SRSF11: variants seen among roughly 807,000 people sequenced by gnomAD.
The protein encoded by SRSF11 is serine and arginine rich splicing factor 11.
A neutral mutation model predicts 56.0 loss-of-function variants in SRSF11; 9 were observed. The observed-to-expected ratio is 0.16, with a 90% CI of 0.10 to 0.28. The LOEUF is 0.28. Ranked by LOEUF, SRSF11 falls within the 10% of genes least tolerant of loss-of-function variation. The pLI is 1.00. For synonymous variants in SRSF11, 222 were observed against 215.3 expected (o/e 1.03, Z -0.27); for missense variants, 421 against 600.7 (o/e 0.70, Z 3.13).
At chr1:70,244,916 T>G in intron 8 of SRSF11, 101 bp downstream of exon 8, 1 of 1,175,434 alleles carries the variant, frequency 8.5e-7, no homozygotes, top group Non-Finnish European at 1.2e-6. Flanking sequence ...GGCAGAGAAA[T>G]AGGGCTAGAC....
rs1308477422 is a variant in SRSF11 at position 70,234,693 on chromosome 1, C to T, written c.448-3C>T. 3.2e-6 allele frequency: 5 copies of T among 1,585,144 alleles called. No individual in the cohort carries two copies. In the African/African-American group the frequency reaches 4.1e-5, roughly 13 times the overall value. On this transcript the variant is annotated splice_polypyrimidine_tract_variant and splice_region_variant and intron_variant, in intron 3 of 11. Transcript: ENST00000370949. ...TAAATAAATAAAATTTGCCATTTCA[C>T]AGATTGGCGCTGTTCCACTGGCTGC...
chr1:70,246,725 T>G (rs1260826951), intron 8 of SRSF11, 93 bp from the exon 9 acceptor site: 2 of 699,676 alleles, frequency 2.9e-6, no homozygotes, highest in East Asian at 2.7e-5. Flanking sequence ...AAGGATGGGA[T>G]TAGATCTGAT....
chr1:70,246,542 C>G (rs1024204013), intron 8 of SRSF11, among the ~76,000 whole-genome samples: 2 of 151,928 alleles, frequency 1.3e-5, no homozygotes, highest in African/African-American at 4.8e-5. Context: ...TTGGTGTTTA[C>G]CAAGTATATT....
chr1:70,220,714 G>C (rs1246117490), upstream of SRSF11: 1 of 152,124 alleles, frequency 6.6e-6, no homozygotes, highest in Non-Finnish European at 1.5e-5. Flanking sequence ...GCCTGGCGTC[G>C]TGGCAGGCGC....
intron 7 of SRSF11, among the ~76,000 whole-genome samples, chr1:70,243,162 A>G (rs1277874214): frequency 1.3e-5 from 2 of 151,910 alleles, no homozygotes; most frequent in Admixed American, 6.6e-5. Flanking sequence ...AAGGACATCA[A>G]TATTTAATGT....
At chr1:70,250,077 T>C (rs750490474) in intron 10 of SRSF11, 30 bp downstream of exon 10, 1 of 1,573,790 alleles carries the variant, frequency 6.4e-7, no homozygotes, top group South Asian at 1.1e-5. Flanking sequence ...AAATGTATTT[T>C]TTATATTTTT....
chr1:70,221,972 C>G, intron 1 of SRSF11, 133 bp downstream of exon 1: 1 of 1,443,130 alleles, frequency 6.9e-7, no homozygotes, highest in African/African-American at 1.4e-5. Context: ...GGTGGATTTA[C>G]TTAAGACGGT....
rs1435579542 is a variant in SRSF11 at position 70,252,135 on chromosome 1, C to G, written c.*1330C>G. ...TATAGTAAAAAGAGGAAGTCTATCACTGTAGTGATAATTGCCATCAAAATT... is the reference window on the plus strand; with the variant it reads ...TATAGTAAAAAGAGGAAGTCTATCAGTGTAGTGATAATTGCCATCAAAATT... On this transcript the variant is annotated 3_prime_UTR_variant, in exon 12 of 12. Coordinates refer to ENST00000370949, the MANE Select transcript of SRSF11 (RefSeq NM_001350605.2). 6.6e-6 allele frequency: 1 copy of G among 152,464 alleles called. No individual in the cohort carries two copies. Among genetic ancestry groups the G allele is most frequent in the African/African-American group, 2.4e-5 (1 of 41,420 alleles). 9.4% of individuals were successfully genotyped at this position (152,464 alleles called of 1,614,324 possible).
At position 70,208,858 on chromosome 1, in the gene SRSF11, C is replaced by G. The variant is rs550957541; in HGVS notation, c.-26+3078C>G. 7.3e-4 allele frequency among the ~76,000 whole-genome samples: 111 copies of G among 152,164 alleles called. 1 individual carries two copies. Among genetic ancestry groups the G allele is most frequent in the Non-Finnish European group, 1.4e-3 (95 of 68,022 alleles). Reference sequence around the variant, plus strand: ...GGAGAATACATTGAAAGCAAAAATTCTAACTCTTTTTCAACACTGGCATTT... The same window carrying G: ...GGAGAATACATTGAAAGCAAAAATTGTAACTCTTTTTCAACACTGGCATTT... On this transcript the variant is annotated intron_variant, in intron 1 of 12. Coordinates refer to the SRSF11 transcript ENST00000370950.
At position 70,251,951 on chromosome 1, in the gene SRSF11, C is replaced by T. The variant is rs1678021322; in HGVS notation, c.*1146C>T. On this transcript the variant is annotated 3_prime_UTR_variant, in exon 12 of 12. Coordinates refer to ENST00000370949, the MANE Select transcript of SRSF11 (RefSeq NM_001350605.2). ...CTACAGTCTGTGCCATGTTGATGTA[C>T]AGTTTCTGAAATTGTTTTACAAGAC... is the stretch of plus-strand genomic sequence containing the variant. 1 of 152,596 alleles carries T rather than the reference C, an allele frequency of 6.6e-6. No homozygotes were observed. The highest frequency in any genetic ancestry group is 2.4e-5 in the African/African-American group (1 of 41,456). The allele number at this position is 152,596 out of a possible 1,614,324, so 9.5% of individuals were successfully genotyped here.
At position 70,221,485 on chromosome 1, in the gene SRSF11, G is replaced by C; in HGVS notation, c.-152G>C. On this transcript the variant is annotated 5_prime_UTR_variant, in exon 1 of 12. Coordinates refer to ENST00000370949, the MANE Select transcript of SRSF11 (RefSeq NM_001350605.2). Reference sequence around the variant, plus strand: ...GCGGCGTGCGGCGGGGCGGAGAAACGGCGGCGGCGGCGGCGGCATCGGCAG... The same window carrying C: ...GCGGCGTGCGGCGGGGCGGAGAAACCGCGGCGGCGGCGGCGGCATCGGCAG... 1 of 993,072 alleles carries C rather than the reference G, an allele frequency of 1.0e-6. No homozygotes were observed. The allele number at this position is 993,072 out of a possible 1,614,324, so 61.5% of individuals were successfully genotyped here. A position where few individuals can be genotyped will look rare whatever the true frequency, so the allele number is the denominator to read the frequency against.
At chr1:70,234,559 C>A in intron 3 of SRSF11, 137 bp from the exon 4 acceptor site, 1 of 579,404 alleles carries the variant, frequency 1.7e-6, no homozygotes, top group Non-Finnish European at 2.9e-6. Context: ...GGTTTGTGTA[C>A]AACTGAGGAG....
chr1:70,230,402 C>CTACG lies in SRSF11; in HGVS notation c.337+1848_337+1851dup, dbSNP rs1672621265. ...AGTGTTTTAGAACAGTAGACATAGTCTACGGTAAGGAATAGTCTTAATTGG... is the reference window on the plus strand; with the variant it reads ...AGTGTTTTAGAACAGTAGACATAGTCTACGTACGGTAAGGAATAGTCTTAATTGG... On this transcript the variant is annotated intron_variant, in intron 2 of 11. Coordinates refer to ENST00000370949, the MANE Select transcript of SRSF11 (RefSeq NM_001350605.2). 10 of 1,134,464 alleles carry CTACG rather than the reference C, an allele frequency of 8.8e-6. No homozygotes were observed. In the South Asian group the frequency reaches 1.7e-4, roughly 20 times the overall value. 70.3% of individuals were successfully genotyped at this position (1,134,464 alleles called of 1,614,324 possible).
chr1:70,227,481 C>T (rs1280806223), intron 1 of SRSF11, among the ~76,000 whole-genome samples: 1 of 152,014 alleles, frequency 6.6e-6, no homozygotes. Context: ...GGATTACCCC[C>T]AACCCCCAAC....
At chr1:70,234,271 A>G (rs1418601310) in intron 3 of SRSF11, among the ~76,000 whole-genome samples, 1 of 152,214 alleles carries the variant, frequency 6.6e-6, no homozygotes, top group African/African-American at 2.4e-5. Flanking sequence ...TGCTTTGTAA[A>G]GGTCCTGCCT....
chr1:70,234,277 T>A (rs530657595), intron 3 of SRSF11, among the ~76,000 whole-genome samples: 1 of 152,344 alleles, frequency 6.6e-6, no homozygotes, highest in Admixed American at 6.5e-5. Flanking sequence ...GTAAAGGTCC[T>A]GCCTCCGGTA....
chr1:70,251,029 C>A lies in SRSF11; in HGVS notation c.*224C>A. 1 of 474,048 alleles carries A rather than the reference C, an allele frequency of 2.1e-6. No individual in the cohort carries two copies. The allele number at this position is 474,048 out of a possible 1,614,324, so 29.4% of individuals were successfully genotyped here. A position where few individuals can be genotyped will look rare whatever the true frequency, so the allele number is the denominator to read the frequency against. On this transcript the variant is annotated 3_prime_UTR_variant, in exon 12 of 12. Coordinates refer to ENST00000370949, the MANE Select transcript of SRSF11 (RefSeq NM_001350605.2). ...TCATGGTGAAATCTGATTGAGTAAC[C>A]AAGCAGTTTTACTATTCTGGTGCTG...
chr1:70,230,812 A>T, intron 2 of SRSF11: 1 of 1,177,450 alleles, frequency 8.5e-7, no homozygotes, highest in Non-Finnish European at 1.1e-6. Flanking sequence ...AGATGTTGAT[A>T]CTGAATATAT....
chr1:70,206,549 T>G (rs1669042561), intron 1 of SRSF11, among the ~76,000 whole-genome samples: 1 of 152,156 alleles, frequency 6.6e-6, no homozygotes. Flanking sequence ...AAGTAATTAT[T>G]AAGATTAATC....
Sources: gnomAD v4.1 joint callset for allele counts (sites outside exome capture counted in the v4.1 genomes callset) on GRCh38, gnomAD v4.1.1 for gene constraint, MANE v1.5 for transcripts, NCBI Gene and HGNC (gene_info 2026-07-23, HGNC 2026-07-21) for gene names.